Variants in SWT1 observed in about 807,000 individuals in gnomAD.
SWT1 encodes SWT1 RNA endoribonuclease homolog.
SWT1 carries 33 observed loss-of-function variants against 107.3 expected under a neutral mutation model. The observed-to-expected ratio is 0.31, with a 90% confidence interval of 0.23 to 0.41. The LOEUF is 0.41. Among genes scored for constraint, SWT1 ranks in the 10% least tolerant of loss-of-function variants. The pLI is 1.00. For missense variants in SWT1, 898 were observed against 1,028.9 expected (o/e 0.87, Z 1.74); for synonymous variants, 345 against 348.3 (o/e 0.99, Z 0.11).
chr1:185,202,723 T>C lies in SWT1; in HGVS notation c.1593T>C (p.Ser531=). 1 of 1,605,632 alleles carries C rather than the reference T, an allele frequency of 6.2e-7. No homozygotes were observed. Among genetic ancestry groups the C allele is most frequent in the Non-Finnish European group, 8.5e-7 (1 of 1,174,646 alleles). The change falls in exon 11 of 19, where the codon AGT becomes AGC. Residue 531 remains serine (S), a synonymous_variant. Transcript: ENST00000367500. ...GVKSLSKEEL[S]AELLHLSLNT... is the part of the protein sequence containing the mutation. Reference sequence around the variant, plus strand: ...AGTCACTCAGTAAAGAAGAATTGAGTGCAGAGTTATTACACTTATCTCTGA... The same window carrying C: ...AGTCACTCAGTAAAGAAGAATTGAGCGCAGAGTTATTACACTTATCTCTGA...
intron 10 of SWT1, among the ~76,000 whole-genome samples, chr1:185,199,080 G>A (rs887112239): frequency 6.6e-5 from 10 of 151,886 alleles, no homozygotes; most frequent in Non-Finnish European, 1.2e-4. Flanking sequence ...TGGGATTACA[G>A]GCACACACCA....
chr1:185,185,244 G>T (rs1656350417), intron 9 of SWT1, among the ~76,000 whole-genome samples: 1 of 152,158 alleles, frequency 6.6e-6, no homozygotes, highest in Non-Finnish European at 1.5e-5. Flanking sequence ...AAGTCTGTAA[G>T]TGATCTAGGT....
chr1:185,167,139 C>T (rs182255208), intron 3 of SWT1, among the ~76,000 whole-genome samples: 2 of 152,252 alleles, frequency 1.3e-5, no homozygotes, highest in East Asian at 1.9e-4. Context: ...AACTCCTGAC[C>T]TCAAGTGATC....
intron 9 of SWT1, 48 bp from the exon 10 acceptor site, chr1:185,190,501 C>T: frequency 9.7e-7 from 1 of 1,034,006 alleles, no homozygotes; most frequent in Non-Finnish European, 1.5e-6. Flanking sequence ...TCTGTGTCAC[C>T]CACATTTCTA....
chr1:185,168,718 A>C (rs1197490475), intron 4 of SWT1, among the ~76,000 whole-genome samples: 2 of 152,216 alleles, frequency 1.3e-5, no homozygotes, highest in Non-Finnish European at 2.9e-5. Flanking sequence ...TATGAGGCTA[A>C]TTTAGAGATT....
intron 9 of SWT1, 106 bp from the exon 10 acceptor site, chr1:185,190,443 C>T (rs1656859374): frequency 1.5e-6 from 1 of 660,742 alleles, no homozygotes; most frequent in Admixed American, 2.4e-5. Flanking sequence ...CCTTAACTAC[C>T]TTAAATCTCT....
chr1:185,167,149 C>G (rs928821961), intron 3 of SWT1, among the ~76,000 whole-genome samples: 5 of 152,180 alleles, frequency 3.3e-5, no homozygotes, highest in Admixed American at 6.5e-5. Context: ...CTCAAGTGAT[C>G]TGCCCGCCTC....
intron 13 of SWT1, among the ~76,000 whole-genome samples, chr1:185,212,720 T>C (rs997742223): frequency 2.6e-5 from 4 of 151,802 alleles, no homozygotes; most frequent in Non-Finnish European, 5.9e-5. Context: ...GGAGAATCAC[T>C]TGAACCCGGG....
At chr1:185,239,854 AAG>A (rs1661143720) in intron 16 of SWT1, among the ~76,000 whole-genome samples, 1 of 152,100 alleles carries the variant, frequency 6.6e-6, no homozygotes, top group African/African-American at 2.4e-5. Context: ...AAAGATGATA[AAG>A]TTTCATTTGG....
intron 4 of SWT1, among the ~76,000 whole-genome samples, chr1:185,171,931 A>G (rs1655107319): frequency 6.6e-6 from 1 of 152,160 alleles, no homozygotes; most frequent in South Asian, 2.1e-4. Flanking sequence ...ACATACCTAC[A>G]TTCATGCATG....
rs570503225 is a variant in SWT1 at position 185,190,910 on chromosome 1, C to A, written c.1523+268C>A. On this transcript the variant is annotated intron_variant, in intron 10 of 18. Coordinates refer to ENST00000367500, the MANE Select transcript of SWT1 (RefSeq NM_017673.7). ...GGGGAAAAGGCAACTTAATATCCCT[C>A]CAAAATTGTTTAAAAATCAGAATCT... 2.6e-5 allele frequency among the ~76,000 whole-genome samples: 4 copies of A among 152,164 alleles called. No homozygotes were observed. The East Asian group carries it at 7.7e-4, about 29-fold the overall frequency.
chr1:185,176,347 AAC>A (rs142701535), intron 5 of SWT1, among the ~76,000 whole-genome samples: 3,354 of 151,498 alleles, frequency 0.022, 123 homozygotes, highest in African/African-American at 0.076. Flanking sequence ...GTAACATTTA[AAC>A]AGACCTAAAG....
At chr1:185,271,189 ATAT>A (rs553867422) in intron 16 of SWT1, 131 bp from the exon 17 acceptor site, 8 of 540,576 alleles carry the variant, frequency 1.5e-5, no homozygotes, top group Non-Finnish European at 2.0e-5. Flanking sequence ...ATTTTTAAAA[ATAT>A]TATAAACCTG....
At chr1:185,267,522 C>T (rs1269641608) in intron 16 of SWT1, among the ~76,000 whole-genome samples, 2 of 152,216 alleles carry the variant, frequency 1.3e-5, no homozygotes, top group East Asian at 3.8e-4. Flanking sequence ...CCTGCTTCAA[C>T]ATCTGTTCCC....
chr1:185,197,183 A>C (rs886097004), intron 10 of SWT1, among the ~76,000 whole-genome samples: 1 of 152,132 alleles, frequency 6.6e-6, no homozygotes, highest in Non-Finnish European at 1.5e-5. Context: ...GGGGTGTTGA[A>C]TTTTACTGAA....
At chr1:185,226,923 T>C (rs2102549654) in intron 15 of SWT1, 4 of 1,141,772 alleles carry the variant, frequency 3.5e-6, no homozygotes, top group Non-Finnish European at 5.1e-6. Context: ...TTTAACTTCT[T>C]TCTGCGGCGT....
chr1:185,257,352 G>A lies in SWT1; in HGVS notation c.2442-13971G>A, dbSNP rs570490424. ...CTGCTTTGTTTACCTAAGCAAGCCTGGGCAATGGAGGGCGCCCCTCCCCCA... is the reference window on the plus strand; with the variant it reads ...CTGCTTTGTTTACCTAAGCAAGCCTAGGCAATGGAGGGCGCCCCTCCCCCA... On this transcript the variant is annotated intron_variant, in intron 16 of 18. Coordinates refer to ENST00000367500, the MANE Select transcript of SWT1 (RefSeq NM_017673.7). Among the ~76,000 whole-genome samples the A allele has an allele frequency of 1.7e-3, 265 of 152,276 alleles. 2 individuals are homozygous for A. In the South Asian group the frequency reaches 0.028, roughly 16 times the overall value.
At chr1:185,236,267 C>T (rs964940752) in intron 16 of SWT1, among the ~76,000 whole-genome samples, 1 of 151,136 alleles carries the variant, frequency 6.6e-6, no homozygotes, top group Non-Finnish European at 1.5e-5. Flanking sequence ...AATAAAAAAT[C>T]CTAAGCAATC....
intron 10 of SWT1, among the ~76,000 whole-genome samples, chr1:185,192,147 A>T (rs1215564320): frequency 6.6e-6 from 1 of 152,228 alleles, no homozygotes; most frequent in Non-Finnish European, 1.5e-5. Flanking sequence ...CTAAGTGCTT[A>T]CATTTACAAT....
Sources: gnomAD v4.1 joint callset for allele counts (sites outside exome capture counted in the v4.1 genomes callset) on GRCh38, gnomAD v4.1.1 for gene constraint, MANE v1.5 for transcripts, NCBI Gene and HGNC (gene_info 2026-07-23, HGNC 2026-07-21) for gene names.